The following PCDH11X variants were observed in gnomAD, a reference collection of about 807,000 sequenced individuals.
PCDH11X encodes protocadherin 11 X-linked, also known as protocadherin-11 X-linked.
PCDH11X carries 18 observed loss-of-function variants against 53.3 expected under a neutral mutation model. The ratio of observed to expected loss-of-function variants is 0.34; its 90% CI spans 0.23 to 0.50. The LOEUF (loss-of-function observed/expected upper bound fraction) is 0.50. PCDH11X is among the 20% of genes least tolerant of loss of function. PCDH11X has a pLI of 0.98. For missense variants in PCDH11X, 570 were observed against 1,032.4 expected, an observed-to-expected ratio of 0.55 and a Z score of 6.14; for synonymous variants, 279 against 393.3, an observed-to-expected ratio of 0.71 and a Z score of 3.44.
At chrX:92,042,830 G>A (rs1378740638) in intron 6 of PCDH11X, among the ~76,000 whole-genome samples, 1 of 107,505 alleles carries the variant, frequency 9.3e-6, no homozygotes, top group Non-Finnish European at 1.9e-5. Flanking sequence ...TAGTAAAGAT[G>A]GGGTTTTGCC....
intron 6 of PCDH11X, among the ~76,000 whole-genome samples, chrX:92,013,137 G>A (rs1216677428): frequency 5.4e-5 from 6 of 111,394 alleles, no homozygotes; most frequent in South Asian, 3.8e-4. Flanking sequence ...ATACCCCATC[G>A]TCTCAGCCCA....
At chrX:92,392,567 C>T (rs2071153482) in intron 9 of PCDH11X, among the ~76,000 whole-genome samples, 1 of 109,912 alleles carries the variant, frequency 9.1e-6, no homozygotes, top group Non-Finnish European at 1.9e-5. Flanking sequence ...TCCTGATCTG[C>T]TAAGAGTATT....
At chrX:92,258,131 T>A (rs757837127) in intron 7 of PCDH11X, among the ~76,000 whole-genome samples, 30 of 111,083 alleles carry the variant, frequency 2.7e-4, no homozygotes, top group African/African-American at 9.5e-4. Context: ...TGAAGCAGCA[T>A]CCTGAGCCCC....
chrX:92,507,306 G>A (rs771073976), intron 10 of PCDH11X, among the ~76,000 whole-genome samples: 21 of 110,581 alleles, frequency 1.9e-4, no homozygotes, highest in African/African-American at 6.6e-4. Flanking sequence ...TTCTCTAGGC[G>A]TGATATTATG....
chrX:91,802,428 C>T (rs1456326345), intron 1 of PCDH11X, among the ~76,000 whole-genome samples: 1 of 111,714 alleles, frequency 9.0e-6, no homozygotes. Context: ...TAACAGCTCT[C>T]AAATAAGAAA....
intron 6 of PCDH11X, among the ~76,000 whole-genome samples, chrX:92,034,038 T>C (rs1026567495): frequency 1.8e-5 from 2 of 109,871 alleles, no homozygotes; most frequent in Admixed American, 9.8e-5. Context: ...TTTATTTAAT[T>C]TCCCTGTGTT....
intron 6 of PCDH11X, among the ~76,000 whole-genome samples, chrX:92,193,290 A>C (rs2066232146): frequency 8.9e-6 from 1 of 111,777 alleles, no homozygotes; most frequent in South Asian, 3.7e-4. Flanking sequence ...AGTAGTGGTG[A>C]ATCATCTCAG....
rs112255486 is a variant in PCDH11X, at chrX:91,856,657, C to T, written c.541-20124C>T. On this transcript the variant is annotated intron_variant, in intron 5 of 10. Coordinates refer to ENST00000682573, the MANE Select transcript of PCDH11X (RefSeq NM_032968.5). ...TGGTGTTCCCCTCCCTGTGTCCATGCGTTCTCGTTGTTCAGATCCCACTTA... is the reference window on the plus strand; with the variant it reads ...TGGTGTTCCCCTCCCTGTGTCCATGTGTTCTCGTTGTTCAGATCCCACTTA... Among the ~76,000 whole-genome samples, 396 of 110,079 alleles carry T rather than the reference C, an allele frequency of 3.6e-3. 1 individual carries two copies. The highest frequency in any genetic ancestry group is 0.012 in the African/African-American group (356 of 30,197).
rs2073003267 is a variant in PCDH11X, at chrX:92,460,064, A to G, written c.3344-8235A>G. On this transcript the variant is annotated intron_variant, in intron 9 of 10. Transcript: ENST00000682573. ...TGGAGCCATTACTGCAAGACCATCG[A>G]GGACCTGAGGGCTCAGATCTTCGCA... The G allele has an allele frequency of 4.2e-6, 4 of 950,312 alleles. No individual in the cohort carries two copies. In the South Asian group the frequency reaches 7.7e-5, roughly 18 times the overall value. 78.3% of individuals were successfully genotyped at this position (950,312 alleles called of 1,213,427 possible). A position where few individuals can be genotyped will look rare whatever the true frequency, so the allele number is the denominator to read the frequency against.
At chrX:91,903,656 C>CATGTGTGTGT (rs778546206) in intron 6 of PCDH11X, among the ~76,000 whole-genome samples, 1 of 93,945 alleles carries the variant, frequency 1.1e-5, no homozygotes, top group East Asian at 3.4e-4. Context: ...CCTCTATGTG[C>CATGTGTGTGT]GTGTGTGTGT....
intron 10 of PCDH11X, among the ~76,000 whole-genome samples, chrX:92,517,426 A>G (rs759219627): frequency 1.8e-4 from 20 of 112,036 alleles, no homozygotes; most frequent in Admixed American, 1.5e-3. Flanking sequence ...TAAACTTTCC[A>G]TAGCCTTCGT....
chrX:92,011,014 A>G (rs1042123697), intron 6 of PCDH11X, among the ~76,000 whole-genome samples: 1 of 111,073 alleles, frequency 9.0e-6, no homozygotes, highest in Admixed American at 9.6e-5. Context: ...ACTTAGGATA[A>G]TGGCCTACAG....
intron 8 of PCDH11X, among the ~76,000 whole-genome samples, chrX:92,303,849 A>G (rs1201946092): frequency 9.1e-6 from 1 of 110,103 alleles, no homozygotes; most frequent in African/African-American, 3.3e-5. Context: ...AATGCCATTT[A>G]TAACTGGTGC....
Sources: allele counts gnomAD v4.1 joint callset (sites outside exome capture counted in the v4.1 genomes callset), GRCh38; gene constraint gnomAD v4.1.1; transcripts MANE v1.5; gene names NCBI Gene and HGNC (gene_info 2026-07-23, HGNC 2026-07-21).